The following GATA3 variants were observed in gnomAD, a reference collection of about 807,000 sequenced individuals.
GATA3 encodes the protein trans-acting T-cell-specific transcription factor GATA-3.
A neutral mutation model predicts 36.0 loss-of-function variants in GATA3; 6 were observed. The ratio of observed to expected loss-of-function variants is 0.17; its 90% CI spans 0.09 to 0.33. GATA3 has a LOEUF of 0.33. Ranked by LOEUF, GATA3 falls within the 10% of genes least tolerant of loss-of-function variation. The pLI, the probability that GATA3 is intolerant of heterozygous loss-of-function variation, is 1.00. For synonymous variants in GATA3, 326 were observed against 273.0 expected, an observed-to-expected ratio of 1.19 and a Z score of -1.92; for missense variants, 514 against 610.1, an observed-to-expected ratio of 0.84 and a Z score of 1.66.
Position 8,058,543 on chromosome 10 carries a change from C to G in GATA3, c.480C>G (p.Asp160Glu), listed in dbSNP as rs143627754. Residue 160 changes from aspartate (D) to glutamate (E), a missense_variant, in exon 3 of 6, where the codon GAC (aspartate) becomes GAG (glutamate). By Grantham distance (45) the Asp-to-Glu change is conservative. Coordinates refer to ENST00000379328, the MANE Select transcript of GATA3 (RefSeq NM_001002295.2). ...LFTFPPTPPK[D>E]VSPDPSLSTP... ...CCTTCCCGCCCACCCCGCCGAAGGA[C>G]GTCTCCCCGGACCCATCGCTGTCCA... 452 of 1,612,286 alleles carry G rather than the reference C, an allele frequency of 2.8e-4. 2 individuals carry two copies. In the Middle Eastern group the frequency reaches 3.1e-3, roughly 11 times the overall value.
chr10:8,047,286 G>C (rs1206081164), intron 1 of GATA3, among the ~76,000 whole-genome samples: 1 of 152,196 alleles, frequency 6.6e-6, no homozygotes, highest in Non-Finnish European at 1.5e-5. Flanking sequence ...TTGCGTCCTG[G>C]AACCATAGGA....
intron 3 of GATA3, among the ~76,000 whole-genome samples, chr10:8,063,490 C>T (rs981232084): frequency 6.6e-6 from 1 of 152,174 alleles, no homozygotes; most frequent in Admixed American, 6.5e-5. Flanking sequence ...ACCTATCTAG[C>T]CATTGATGAA....
Position 8,055,803 on chromosome 10 carries a change from C to A in GATA3, c.148C>A (p.Leu50Ile), listed in dbSNP as rs775745771. 6.3e-7 allele frequency: 1 copy of A among 1,593,502 alleles called. No individual in the cohort carries two copies. The highest frequency in any genetic ancestry group is 2.3e-5 in the East Asian group (1 of 43,800). The change falls in exon 2 of 6, where the codon CTT becomes ATT. Residue 50 changes from leucine to isoleucine, a missense_variant. Coordinates refer to ENST00000379328, the MANE Select transcript of GATA3 (RefSeq NM_001002295.2). This position sits in a 1 kb window ranked among gnomAD's most constrained non-coding sequence, Gnocchi z 5.4. ...QYPLPEEVDVLFNIDGQGNHV... is the reference protein window; with the variant it reads ...QYPLPEEVDVIFNIDGQGNHV... The stretch of plus-strand genomic sequence containing the variant: ...CCCGCTGCCGGAGGAGGTGGATGTG[C>A]TTTTTAACATCGACGGTCAAGGCAA...
At chr10:8,057,279 A>G (rs967485116) in intron 2 of GATA3, among the ~76,000 whole-genome samples, 3 of 152,196 alleles carry the variant, frequency 2.0e-5, no homozygotes, top group African/African-American at 7.2e-5. Context: ...TGAGGCAGGT[A>G]CTGGCTTTAA....
intron 1 of GATA3, among the ~76,000 whole-genome samples, chr10:8,045,872 C>G (rs1832381053): frequency 6.6e-6 from 1 of 152,194 alleles, no homozygotes; most frequent in South Asian, 2.1e-4. Flanking sequence ...AAAACAACCC[C>G]TGTGCCCAGG....
Position 8,055,435 on chromosome 10 carries a change from T to C in GATA3, c.-221T>C. 1 of 604,856 alleles carries C rather than the reference T, an allele frequency of 1.7e-6. No homozygotes were observed. Among genetic ancestry groups the C allele is most frequent in the South Asian group, 2.0e-5 (1 of 50,308 alleles). The allele number at this position is 604,856 out of a possible 1,614,324, so 37.5% of individuals were successfully genotyped here. A position where few individuals can be genotyped will look rare whatever the true frequency, so the allele number is the denominator to read the frequency against. Reference sequence around the variant, plus strand: ...CAGTTTTTGGATTTTTGTCTTCCCCTTCTTCTCTTTGCTAAACGACCCCTC... The same window carrying C: ...CAGTTTTTGGATTTTTGTCTTCCCCCTCTTCTCTTTGCTAAACGACCCCTC... On this transcript the variant is annotated 5_prime_UTR_variant, in exon 2 of 6. Transcript: ENST00000379328. The surrounding 1 kb of genome is among the most constrained non-coding windows in gnomAD (Gnocchi z 5.4).
In GATA3 at chr10:8,064,118, A is replaced by T; in HGVS notation, c.904A>T (p.Ile302Phe). Reference protein sequence around the residue: ...HKMNGQNRPLIKPKRRLSAAR... With the variant: ...HKMNGQNRPLFKPKRRLSAAR... ...AATGAACGGACAGAACCGGCCCCTC[A>T]TTAAGCCCAAGCGAAGGCTGGTAAG... The change falls in exon 4 of 6, where the codon ATT (isoleucine) becomes TTT (phenylalanine). Residue 302 changes from isoleucine (I) to phenylalanine (F), a missense_variant. Around this residue, in one of 3 missense-constraint regions of GATA3, gnomAD observed 44 missense variants for 151.5 expected, o/e 0.29. Coordinates refer to ENST00000379328, the MANE Select transcript of GATA3 (RefSeq NM_001002295.2). 1.9e-6 allele frequency: 3 copies of T among 1,614,080 alleles called. No individual in the cohort carries two copies. The highest frequency in any genetic ancestry group is 2.5e-6 in the Non-Finnish European group (3 of 1,180,014).
chr10:8,060,081 C>T (rs1832722511), intron 3 of GATA3, among the ~76,000 whole-genome samples: 1 of 152,238 alleles, frequency 6.6e-6, no homozygotes, highest in South Asian at 2.1e-4. Flanking sequence ...AGCCCAGTGA[C>T]CATGAGATCA....
intron 4 of GATA3, among the ~76,000 whole-genome samples, chr10:8,068,320 A>G (rs1278083935): frequency 6.6e-6 from 1 of 152,214 alleles, no homozygotes; most frequent in East Asian, 1.9e-4. Context: ...GACTGGCATC[A>G]GAGGAGGCGA....
upstream of GATA3, chr10:8,052,733 C>A (rs1021535913): frequency 5.3e-5 from 8 of 152,238 alleles, no homozygotes; most frequent in Non-Finnish European, 1.2e-4. Flanking sequence ...TGTTAGACAG[C>A]AACTAAATAA....
intron 2 of GATA3, 37 bp from the exon 3 acceptor site, chr10:8,058,268 T>C (rs924641015): frequency 6.2e-7 from 1 of 1,610,894 alleles, no homozygotes. Context: ...ACACTCACCC[T>C]CCTTCTCTCT....
Position 8,074,135 on chromosome 10 carries a change from T to C in GATA3, c.*112T>C, listed in dbSNP as rs979683420. 1.6e-5 allele frequency: 20 copies of C among 1,288,874 alleles called. No individual in the cohort carries two copies. The highest frequency in any genetic ancestry group is 2.0e-4 in the Middle Eastern group (1 of 4,976). The allele number at this position is 1,288,874 out of a possible 1,614,324, so 79.8% of individuals were successfully genotyped here. On this transcript the variant is annotated 3_prime_UTR_variant, in exon 6 of 6. Coordinates refer to ENST00000379328, the MANE Select transcript of GATA3 (RefSeq NM_001002295.2). ...CCTAAACGCGATGGATATATGTTTT[T>C]GAAGGCAGAAAGCAAAATTATGTTT...
At chr10:8,051,175 GT>G (rs1564394055), upstream of GATA3, 2 of 480,658 alleles carry the variant, frequency 4.2e-6, no homozygotes, top group Admixed American at 4.5e-5. Flanking sequence ...GGACTTGCAC[GT>G]GGGCATGTGT....
rs547257780 is a variant in GATA3 at position 8,058,687 on chromosome 10, G to C, written c.624G>C (p.Leu208=). 1 of 1,613,178 alleles carries C rather than the reference G, an allele frequency of 6.2e-7. No individual in the cohort carries two copies. The highest frequency in any genetic ancestry group is 1.1e-5 in the South Asian group (1 of 91,088). The part of the protein sequence containing the change: ...SSHSRGSMTA[L]GGASSSTHHP... The stretch of plus-strand genomic sequence containing the variant: ...ACTCCCGTGGCAGCATGACCGCCCT[G>C]GGTGGAGCCTCCTCGTCGACCCACC... Residue 208 remains leucine (L), a synonymous_variant, in exon 3 of 6, where the codon CTG becomes CTC. Coordinates refer to ENST00000379328, the MANE Select transcript of GATA3 (RefSeq NM_001002295.2).
chr10:8,065,252 CTTTTTTTTTTT>C (rs34193161), intron 4 of GATA3, among the ~76,000 whole-genome samples: 2 of 92,096 alleles, frequency 2.2e-5, no homozygotes, highest in Non-Finnish European at 4.0e-5. Context: ...GAAAAACTTT[CTTTTTTTTTTT>C]TTTTTTTTTT....
At chr10:8,069,298 C>A (rs1462800595) in intron 4 of GATA3, among the ~76,000 whole-genome samples, 175 bp from the exon 5 acceptor site, 1 of 151,930 alleles carries the variant, frequency 6.6e-6, no homozygotes, top group African/African-American at 2.4e-5. Flanking sequence ...CGACATTTTT[C>A]TTCTCGAGGC....
upstream of GATA3, chr10:8,051,160 G>A (rs756385728): frequency 4.1e-6 from 2 of 493,794 alleles, no homozygotes; most frequent in South Asian, 3.1e-5. Flanking sequence ...GAGGGCGGGT[G>A]GGAGGGACTT....
intron 5 of GATA3, 25 bp downstream of exon 5, chr10:8,069,623 AC>A: frequency 6.2e-7 from 1 of 1,613,772 alleles, no homozygotes; most frequent in Non-Finnish European, 8.5e-7. Flanking sequence ...ATCAGCAAGA[AC>A]AGGGCTCGCT....
chr10:8,051,950 C>T (rs1832505313), upstream of GATA3, among the ~76,000 whole-genome samples: 1 of 152,190 alleles, frequency 6.6e-6, no homozygotes, highest in African/African-American at 2.4e-5. Context: ...TCGGCCCTCC[C>T]TCCTCGGCAT....
Sources: gnomAD v4.1 joint callset for allele counts (sites outside exome capture counted in the v4.1 genomes callset) on GRCh38, gnomAD v4.1.1 for gene constraint, gnomAD v4.1.1 regional missense constraint, Gnocchi (gnomAD v3.1) non-coding constraint, MANE v1.5 for transcripts, NCBI Gene and HGNC (gene_info 2026-07-23, HGNC 2026-07-21) for gene names.